SHANK2: variants seen among roughly 807,000 people sequenced by gnomAD.
The protein encoded by SHANK2 is SH3 and multiple ankyrin repeat domains 2.
In SHANK2, 43 loss-of-function variants were observed where a neutral mutation model predicts 133.7. The observed-to-expected ratio is 0.32, with a 90% CI of 0.25 to 0.41. SHANK2 has a LOEUF of 0.41. SHANK2 is among the 10% of genes least tolerant of loss of function. The pLI is 1.00. For missense variants in SHANK2, 1,994 were observed against 2,235.8 expected, an observed-to-expected ratio of 0.89 and a Z score of 2.18; for synonymous variants, 1,017 against 952.8, an observed-to-expected ratio of 1.07 and a Z score of -1.24.
At chr11:70,590,873 A>T (rs1367260207) in intron 17 of SHANK2, among the ~76,000 whole-genome samples, 1 of 152,172 alleles carries the variant, frequency 6.6e-6, no homozygotes, top group Non-Finnish European at 1.5e-5. Context: ...TGTGCAGAAA[A>T]CAAGAGCTGA....
rs56370058 is a variant in SHANK2, at chr11:70,631,375, TAC to T, written c.2061+28451_2061+28452del. The T allele has an allele frequency of 5.5e-3, 784 of 143,442 alleles. 6 individuals carry two copies. Among genetic ancestry groups the T allele is most frequent in the African/African-American group, 0.018 (702 of 38,430 alleles). 8.9% of individuals were successfully genotyped at this position (143,442 alleles called of 1,614,324 possible). A position where few individuals can be genotyped will look rare whatever the true frequency, so the allele number is the denominator to read the frequency against. ...GTGCCATTCTGAGGGTTCCCGGAGT[TAC>T]ACACACACACACACACACACACACA... is the stretch of plus-strand genomic sequence containing the variant. On this transcript the variant is annotated intron_variant, in intron 17 of 25. Coordinates refer to ENST00000601538, the MANE Select transcript of SHANK2 (RefSeq NM_012309.5).
intron 17 of SHANK2, among the ~76,000 whole-genome samples, chr11:70,625,281 T>C (rs1169429744): frequency 2.6e-5 from 4 of 152,138 alleles, no homozygotes; most frequent in African/African-American, 7.2e-5. Flanking sequence ...TCCCAGACCT[T>C]TGGTGTCCCG....
intron 6 of SHANK2, among the ~76,000 whole-genome samples, chr11:71,102,162 G>T (rs1289909298): frequency 6.6e-6 from 1 of 152,136 alleles, no homozygotes; most frequent in South Asian, 2.1e-4. Flanking sequence ...TGCCAGGTTC[G>T]CTTCCTGTTT....
rs10793377 is a variant in SHANK2, at chr11:70,882,839, A to G, written c.1174+13662T>C. 0.75 allele frequency among the ~76,000 whole-genome samples: 114,485 copies of G among 152,120 alleles called. 46,146 individuals are homozygous for G. Among genetic ancestry groups the G allele is most frequent in the Non-Finnish European group, 0.89 (60,351 of 67,996 alleles). ...TGGCCTGGTCCTCCAGGAGGGCAGA[A>G]CTGTGTGGATTTTGCAGGAGTGAGG... On this transcript the variant is annotated intron_variant, in intron 11 of 25. Coordinates refer to ENST00000601538, the MANE Select transcript of SHANK2 (RefSeq NM_012309.5). This position sits in a 1 kb window ranked among gnomAD's most constrained non-coding sequence, Gnocchi z 4.2.
At chr11:71,177,342 T>C (rs781912433) in intron 2 of SHANK2, among the ~76,000 whole-genome samples, 15 of 152,148 alleles carry the variant, frequency 9.9e-5, no homozygotes, top group Non-Finnish European at 2.2e-4. Flanking sequence ...ATCATGGGGT[T>C]TACAAGACAT....
At chr11:71,139,236 G>A (rs1417186651) in intron 3 of SHANK2, among the ~76,000 whole-genome samples, 3 of 152,040 alleles carry the variant, frequency 2.0e-5, no homozygotes, top group African/African-American at 7.2e-5. Flanking sequence ...AGGCCTCAGG[G>A]AGAGGCGGAT....
intron 10 of SHANK2, among the ~76,000 whole-genome samples, chr11:70,909,104 C>G (rs1950152419): frequency 2.6e-5 from 4 of 152,256 alleles, no homozygotes; most frequent in African/African-American, 9.6e-5. Flanking sequence ...CAACCTCCCT[C>G]TCCCAGAAGG....
At chr11:71,076,940 C>A (rs1214962788) in intron 8 of SHANK2, among the ~76,000 whole-genome samples, 2 of 152,174 alleles carry the variant, frequency 1.3e-5, no homozygotes, top group African/African-American at 4.8e-5. Flanking sequence ...AGCCTGGGAG[C>A]TGCTGGGACC....
At chr11:70,525,607 AGAACAGGAGC>A (rs2059385712) in intron 17 of SHANK2, among the ~76,000 whole-genome samples, 1 of 152,304 alleles carries the variant, frequency 6.6e-6, no homozygotes, top group African/African-American at 2.4e-5. Context: ...TGGCAGCATC[AGAACAGGAGC>A]GAACAGGGTC....
chr11:71,192,269 G>A (rs1373503190), intron 2 of SHANK2, among the ~76,000 whole-genome samples: 1 of 152,204 alleles, frequency 6.6e-6, no homozygotes, highest in Non-Finnish European at 1.5e-5. Context: ...TTCTGTGGTA[G>A]TGGGGGTTAC....
At chr11:70,557,013 C>T (rs2059840832) in intron 17 of SHANK2, among the ~76,000 whole-genome samples, 1 of 152,122 alleles carries the variant, frequency 6.6e-6, no homozygotes, top group Non-Finnish European at 1.5e-5. Context: ...CATGAGTCAC[C>T]ACACCTAGGC....
chr11:70,615,601 G>A (rs917781631), intron 17 of SHANK2, among the ~76,000 whole-genome samples: 14 of 152,126 alleles, frequency 9.2e-5, no homozygotes, highest in Admixed American at 5.2e-4. Context: ...AGGCTGGCTC[G>A]GCCGAATCCC....
At chr11:71,065,411 G>A (rs1412857126) in intron 9 of SHANK2, among the ~76,000 whole-genome samples, 5 of 135,106 alleles carry the variant, frequency 3.7e-5, no homozygotes, top group African/African-American at 1.4e-4. Flanking sequence ...AGTTGTGGGG[G>A]GGTGTGCAGA....
chr11:70,911,685 C>A (rs1555079044), intron 10 of SHANK2, among the ~76,000 whole-genome samples: 2 of 152,190 alleles, frequency 1.3e-5, no homozygotes, highest in Non-Finnish European at 2.9e-5. Context: ...GCTGTGAGTG[C>A]ACCTGCAGCT....
At chr11:70,923,523 T>C (rs553635684) in intron 10 of SHANK2, among the ~76,000 whole-genome samples, 1 of 152,140 alleles carries the variant, frequency 6.6e-6, no homozygotes, top group Admixed American at 6.6e-5. Context: ...ATCACAGGCA[T>C]GAGCCACTGC....
intron 17 of SHANK2, among the ~76,000 whole-genome samples, chr11:70,594,257 G>A (rs1294462928): frequency 6.6e-6 from 1 of 152,194 alleles, no homozygotes; most frequent in Non-Finnish European, 1.5e-5. Flanking sequence ...GGGATGCTCA[G>A]CGACTTCATG....
chr11:70,732,015 C>T (rs1489402690), intron 14 of SHANK2, among the ~76,000 whole-genome samples: 1 of 152,182 alleles, frequency 6.6e-6, no homozygotes, highest in East Asian at 1.9e-4. Context: ...GAACGCAGTC[C>T]TCTGTGTCTT....
intron 3 of SHANK2, among the ~76,000 whole-genome samples, chr11:71,127,701 G>A (rs1395749313): frequency 6.6e-6 from 1 of 152,202 alleles, no homozygotes; most frequent in Non-Finnish European, 1.5e-5. Flanking sequence ...AGACTACATA[G>A]AGTATAAATA....
intron 1 of SHANK2, among the ~76,000 whole-genome samples, chr11:71,226,915 A>T (rs1555122336): frequency 6.6e-6 from 1 of 152,186 alleles, no homozygotes; most frequent in African/African-American, 2.4e-5. Context: ...AGCAAAAATT[A>T]CAACATAATC....
Sources: gnomAD v4.1 joint callset for allele counts (sites outside exome capture counted in the v4.1 genomes callset) on GRCh38, gnomAD v4.1.1 for gene constraint, Gnocchi (gnomAD v3.1) non-coding constraint, MANE v1.5 for transcripts, NCBI Gene and HGNC (gene_info 2026-07-23, HGNC 2026-07-21) for gene names.